Variants in CECR2 observed in about 807,000 individuals in gnomAD.
The protein encoded by CECR2 is chromatin remodeling regulator CECR2.
In CECR2, 30 loss-of-function variants were observed where a neutral mutation model predicts 154.5. The ratio of observed to expected loss-of-function variants is 0.19; its 90% CI spans 0.15 to 0.26. The LOEUF (loss-of-function observed/expected upper bound fraction) is 0.26, where lower values mean the gene tolerates loss of function less well. Among genes scored for constraint, CECR2 ranks in the 10% least tolerant of loss-of-function variants. CECR2 has a pLI of 1.00. For missense variants in CECR2, 1,743 were observed against 1,829.3 expected (o/e 0.95, Z 0.86); for synonymous variants, 725 against 683.7 (o/e 1.06, Z -0.94).
At chr22:17,540,261 A>T in intron 13 of CECR2, 151 bp from the exon 14 acceptor site, 1 of 666,926 alleles carries the variant, frequency 1.5e-6, no homozygotes, top group Non-Finnish European at 2.3e-6. Context: ...AAGGTGAATT[A>T]AACTCATAGA....
intron 1 of CECR2, among the ~76,000 whole-genome samples, chr22:17,431,091 C>T (rs1354548159): frequency 6.6e-6 from 1 of 152,192 alleles, no homozygotes; most frequent in Non-Finnish European, 1.5e-5. Context: ...TTCATCCATA[C>T]ACATTTTGCT....
chr22:17,474,183 C>A lies in CECR2; in HGVS notation c.127-3405C>A, dbSNP rs1053809622. 2.0e-5 allele frequency among the ~76,000 whole-genome samples: 3 copies of A among 152,282 alleles called. No individual in the cohort carries two copies. The East Asian group carries it at 5.8e-4, about 29-fold the overall frequency. ...TGCTGAGCTCCAGGGGTAAGTTCAG[C>A]AATGTCTTCATCACCTCACAAGTTA... On this transcript the variant is annotated intron_variant, in intron 1 of 18. Transcript: ENST00000262608.
At chr22:17,397,691 G>A (rs934824675) in intron 1 of CECR2, among the ~76,000 whole-genome samples, 12 of 151,894 alleles carry the variant, frequency 7.9e-5, no homozygotes, top group Admixed American at 7.9e-4. Context: ...TAGAAACGGG[G>A]TTTCACTGTG....
At chr22:17,407,304 A>C (rs1396608828) in intron 1 of CECR2, among the ~76,000 whole-genome samples, 1 of 152,138 alleles carries the variant, frequency 6.6e-6, no homozygotes, top group Non-Finnish European at 1.5e-5. Context: ...ACTGGGCTAT[A>C]ATTGAAAGAG....
chr22:17,391,269 C>T (rs1197574040), intron 1 of CECR2, among the ~76,000 whole-genome samples: 1 of 152,228 alleles, frequency 6.6e-6, no homozygotes, highest in Non-Finnish European at 1.5e-5. Context: ...ACACCTCCAT[C>T]CTGGTTTACA....
chr22:17,364,282 G>T (rs948173973), intron 1 of CECR2, among the ~76,000 whole-genome samples: 1 of 138,596 alleles, frequency 7.2e-6, no homozygotes, highest in East Asian at 2.3e-4. Context: ...GGCGGAGCTT[G>T]CAGTGAGCTG....
At chr22:17,521,050 CCCA>C (rs2056149100) in intron 8 of CECR2, among the ~76,000 whole-genome samples, 1 of 152,140 alleles carries the variant, frequency 6.6e-6, no homozygotes, top group Non-Finnish European at 1.5e-5. Context: ...AGTTTACACT[CCCA>C]CCAACAGCGT....
At position 17,548,709 on chromosome 22, in the gene CECR2, G is replaced by A. The variant is rs767982645; in HGVS notation, c.3422G>A (p.Gly1141Asp). Residue 1141 changes from glycine (G) to aspartate (D), a missense_variant, in exon 17 of 19, where the codon GGT becomes GAT. Gly to Asp is a moderately conservative substitution (Grantham distance 94). Transcript: ENST00000262608. Reference sequence around the variant, plus strand: ...TACCACATCAGTCCAGGCCTGCAGGGTGTGGGCCCTGTGATGGGAGGGAAG... The same window carrying A: ...TACCACATCAGTCCAGGCCTGCAGGATGTGGGCCCTGTGATGGGAGGGAAG... ...AHYHISPGLQGVGPVMGGKSP... is the reference protein window; with the variant it reads ...AHYHISPGLQDVGPVMGGKSP... 10 of 1,613,662 alleles carry A rather than the reference G, an allele frequency of 6.2e-6. No homozygotes were observed. The East Asian group carries it at 2.0e-4, about 32-fold the overall frequency.
chr22:17,409,288 A>C (rs2054033354), intron 1 of CECR2, among the ~76,000 whole-genome samples: 1 of 110,950 alleles, frequency 9.0e-6, no homozygotes, highest in South Asian at 2.7e-4. Flanking sequence ...GCCCGCCACC[A>C]CACCCAGCTA....
At chr22:17,469,262 C>T (rs1383214408) in intron 1 of CECR2, among the ~76,000 whole-genome samples, 2 of 151,912 alleles carry the variant, frequency 1.3e-5, no homozygotes, top group East Asian at 1.9e-4. Flanking sequence ...GTGCTGACCT[C>T]ACCTCCCTAC....
At position 17,542,831 on chromosome 22, in the gene CECR2, C is replaced by T. The variant is rs2056550757; in HGVS notation, c.2688C>T (p.Cys896=). The T allele has an allele frequency of 1.9e-6, 3 of 1,613,408 alleles. No homozygotes were observed. The African/African-American group carries it at 4.0e-5, about 22-fold the overall frequency. The change falls in exon 16 of 19, where the codon TGC becomes TGT. Residue 896 remains cysteine (C), a synonymous_variant. Transcript: ENST00000262608. The part of the protein sequence containing the change: ...IAMQQLSSRV[C]PPGVPYHPHQ... ...TGCAGCAGCTCTCCTCCCGCGTCTG[C>T]CCCCCAGGTGTGCCTTACCACCCCC...
At chr22:17,480,459 C>CACACACAGAG (rs373106595) in intron 2 of CECR2, among the ~76,000 whole-genome samples, 4,592 of 143,420 alleles carry the variant, frequency 0.032, 106 homozygotes, top group African/African-American at 0.041. Context: ...CACACACACA[C>CACACACAGAG]AGAGAAAAGT....
intron 5 of CECR2, among the ~76,000 whole-genome samples, chr22:17,501,414 C>T (rs1264702345): frequency 6.6e-6 from 1 of 151,998 alleles, no homozygotes; most frequent in Non-Finnish European, 1.5e-5. Flanking sequence ...AAAAATTAGC[C>T]AGTCGTGGTG....
upstream of CECR2, among the ~76,000 whole-genome samples, chr22:17,366,166 G>T (rs149034685): frequency 6.6e-6 from 1 of 151,974 alleles, no homozygotes. Context: ...AATGAGAAGG[G>T]GAAAGAAAAT....
intron 2 of CECR2, among the ~76,000 whole-genome samples, chr22:17,478,968 T>A (rs1174933673): frequency 6.6e-6 from 1 of 152,232 alleles, no homozygotes; most frequent in Non-Finnish European, 1.5e-5. Context: ...GTTGTATTCG[T>A]ACCTTGTGTT....
intron 8 of CECR2, among the ~76,000 whole-genome samples, chr22:17,517,387 A>G (rs2056078600): frequency 6.6e-6 from 1 of 152,184 alleles, no homozygotes; most frequent in African/African-American, 2.4e-5. Context: ...TGCTTCATAT[A>G]TCCCAGTCTC....
rs2056448045 is a variant in CECR2, at chr22:17,537,063, G to A, written c.1109-40G>A. 9 of 1,609,066 alleles carry A rather than the reference G, an allele frequency of 5.6e-6. No individual in the cohort carries two copies. In the East Asian group the frequency reaches 2.0e-4, roughly 36 times the overall value. On this transcript the variant is annotated intron_variant, in intron 9 of 18. Coordinates refer to ENST00000262608, the MANE Select transcript of CECR2 (RefSeq NM_001290047.2). ...GAAGGAACACGCCATGTCAGTGTCTGGAGTGTGCTTAGCTCACTCAGCCTT... is the reference window on the plus strand; with the variant it reads ...GAAGGAACACGCCATGTCAGTGTCTAGAGTGTGCTTAGCTCACTCAGCCTT...
chr22:17,360,678 G>GAA (rs34750748), intron 1 of CECR2, among the ~76,000 whole-genome samples: 1 of 133,706 alleles, frequency 7.5e-6, no homozygotes, highest in Non-Finnish European at 1.6e-5. Context: ...CTCCATCTCG[G>GAA]AAAAAAAAAA....
chr22:17,503,011 T>C, intron 5 of CECR2, 71 bp from the exon 6 acceptor site: 9 of 1,373,794 alleles, frequency 6.6e-6, no homozygotes, highest in Non-Finnish European at 9.2e-6. Context: ...GGTTCTACCA[T>C]CCTGGGGTGG....
Sources: gnomAD v4.1 joint callset for allele counts (sites outside exome capture counted in the v4.1 genomes callset) on GRCh38, gnomAD v4.1.1 for gene constraint, MANE v1.5 for transcripts, NCBI Gene and HGNC (gene_info 2026-07-23, HGNC 2026-07-21) for gene names.